PATJ: variants seen among roughly 807,000 people sequenced by gnomAD.
PATJ encodes the protein PATJ crumbs cell polarity complex component, also known as inaD-like protein.
A neutral mutation model predicts 224.9 loss-of-function variants in PATJ; 190 were observed. The observed-to-expected ratio is 0.84, with a 90% CI of 0.75 to 0.95. The LOEUF is 0.95. Ranked by LOEUF, PATJ falls within the 40% of genes least tolerant of loss-of-function variation. The probability of loss-of-function intolerance (pLI) is 0.00; values close to 1 mark genes in which losing one functional copy is unlikely to be tolerated. For missense variants in PATJ, 2,121 were observed against 2,270.3 expected (o/e 0.93, Z 1.34); for synonymous variants, 769 against 820.3 (o/e 0.94, Z 1.07).
At chr1:61,894,737 G>C (rs1293220235) in intron 22 of PATJ, among the ~76,000 whole-genome samples, 2 of 152,216 alleles carry the variant, frequency 1.3e-5, no homozygotes, top group African/African-American at 4.8e-5. Context: ...TCCCAGCAGA[G>C]TGGAGTACTG....
rs534246443 is a variant in PATJ, at chr1:61,990,948, G to T, written c.3867+584G>T. Reference sequence around the variant, plus strand: ...GATAATTTCATTAATAATCTGAAAAGGTTATTCTTATTCTTCTACACTTAA... The same window carrying T: ...GATAATTTCATTAATAATCTGAAAATGTTATTCTTATTCTTCTACACTTAA... On this transcript the variant is annotated intron_variant, in intron 28 of 43. Transcript: ENST00000642238. Among the ~76,000 whole-genome samples, 5 of 152,186 alleles carry T rather than the reference G, an allele frequency of 3.3e-5. No individual in the cohort carries two copies. The East Asian group carries it at 9.7e-4, about 29-fold the overall frequency.
In PATJ at chr1:61,890,805, T is replaced by C. The variant is rs79208616; in HGVS notation, c.3131+6397T>C. Among the ~76,000 whole-genome samples the C allele has an allele frequency of 0.049, 7,508 of 152,248 alleles. 846 individuals are homozygous for C. The East Asian group carries it at 0.5, about 10-fold the overall frequency. Reference sequence around the variant, plus strand: ...GCCATAGCACCTGGCCTATTATTTTTTTTAAAGTACATGTAAAACATTTAT... The same window carrying C: ...GCCATAGCACCTGGCCTATTATTTTCTTTAAAGTACATGTAAAACATTTAT... On this transcript the variant is annotated intron_variant, in intron 22 of 43. Coordinates refer to ENST00000642238, the MANE Select transcript of PATJ (RefSeq NM_001350145.3).
chr1:61,992,398 G>A (rs1036925309), intron 28 of PATJ, among the ~76,000 whole-genome samples: 4 of 152,104 alleles, frequency 2.6e-5, no homozygotes, highest in African/African-American at 4.8e-5. Flanking sequence ...GATTACAGGC[G>A]TGAGTCACCA....
rs1242430160 is a variant in PATJ, at chr1:61,952,335, G to A, written c.3670+24506G>A. On this transcript the variant is annotated intron_variant, in intron 27 of 43. Coordinates refer to ENST00000642238, the MANE Select transcript of PATJ (RefSeq NM_001350145.3). ...GGAGTCTGTGGTGAGGATTTGAGCTGCGTCCAGCATTGGATATTTGTCAGG... is the reference window on the plus strand; with the variant it reads ...GGAGTCTGTGGTGAGGATTTGAGCTACGTCCAGCATTGGATATTTGTCAGG... The A allele has an allele frequency of 2.8e-5, 20 of 704,596 alleles. No individual in the cohort carries two copies. In the Admixed American group the frequency reaches 4.0e-4, roughly 14 times the overall value. The allele number at this position is 704,596 out of a possible 1,614,324, so 43.6% of individuals were successfully genotyped here. A position where few individuals can be genotyped will look rare whatever the true frequency, so the allele number is the denominator to read the frequency against.
chr1:61,751,579 A>G (rs1419916372), intron 1 of PATJ, among the ~76,000 whole-genome samples: 1 of 151,986 alleles, frequency 6.6e-6, no homozygotes, highest in Non-Finnish European at 1.5e-5. Context: ...TAATCCCAGC[A>G]CTTTGGGAGG....
At chr1:61,957,175 A>C (rs1680555914) in intron 27 of PATJ, among the ~76,000 whole-genome samples, 1 of 152,180 alleles carries the variant, frequency 6.6e-6, no homozygotes, top group Non-Finnish European at 1.5e-5. Flanking sequence ...TAACCTAATG[A>C]ATATTCATAA....
At chr1:62,062,392 C>CTTTT (rs60747316) in intron 31 of PATJ, among the ~76,000 whole-genome samples, 6 of 28,482 alleles carry the variant, frequency 2.1e-4, no homozygotes, top group Admixed American at 5.6e-4. Context: ...ATGTTGTCTT[C>CTTTT]TTTTTTTTTT....
At chr1:61,949,081 G>A (rs903292421) in intron 27 of PATJ, among the ~76,000 whole-genome samples, 4 of 137,098 alleles carry the variant, frequency 2.9e-5, no homozygotes, top group African/African-American at 5.3e-5. Flanking sequence ...GGCGGGGAGC[G>A]GGGAGGGATT....
chr1:61,988,787 C>T (rs988345830), intron 27 of PATJ, among the ~76,000 whole-genome samples: 16 of 152,146 alleles, frequency 1.1e-4, no homozygotes, highest in African/African-American at 3.9e-4. Context: ...TTTGTTAAGT[C>T]TGGTAAAGTG....
intron 27 of PATJ, among the ~76,000 whole-genome samples, chr1:61,955,473 A>G (rs534779136): frequency 4.5e-4 from 68 of 152,286 alleles, no homozygotes; most frequent in Middle Eastern, 3.4e-3. Context: ...AAGAAGTGCT[A>G]CAAGCCTGGC....
intron 27 of PATJ, among the ~76,000 whole-genome samples, chr1:61,949,804 G>T (rs1312822504): frequency 7.0e-6 from 1 of 143,602 alleles, no homozygotes; most frequent in Non-Finnish European, 1.5e-5. Context: ...TACTTGGGAG[G>T]CTGAGGCAGG....
intron 18 of PATJ, among the ~76,000 whole-genome samples, chr1:61,857,644 G>A (rs1303306875): frequency 6.6e-6 from 1 of 152,218 alleles, no homozygotes; most frequent in African/African-American, 2.4e-5. Flanking sequence ...CAAACTTAAA[G>A]ATATGTAATA....
chr1:61,862,676 CA>C (rs1664800823), intron 19 of PATJ, among the ~76,000 whole-genome samples: 1 of 152,110 alleles, frequency 6.6e-6, no homozygotes, highest in African/African-American at 2.4e-5. Flanking sequence ...TGGAACTACA[CA>C]AAAAGTATTC....
intron 9 of PATJ, among the ~76,000 whole-genome samples, chr1:61,793,665 G>A (rs1200595643): frequency 6.7e-6 from 1 of 150,182 alleles, no homozygotes; most frequent in South Asian, 2.1e-4. Context: ...GCAGTGAGCC[G>A]TGATTGTGCC....
At position 61,991,714 on chromosome 1, in the gene PATJ, C is replaced by T. The variant is rs1425002215; in HGVS notation, c.3867+1350C>T. The T allele has an allele frequency of 9.1e-6, 9 of 983,834 alleles. No individual in the cohort carries two copies. In the Admixed American group the frequency reaches 1.8e-4, roughly 20 times the overall value. The allele number at this position is 983,834 out of a possible 1,614,324, so 60.9% of individuals were successfully genotyped here. A position where few individuals can be genotyped will look rare whatever the true frequency, so the allele number is the denominator to read the frequency against. ...ACCACGAATGGGACCCACATTGGGT[C>T]GTAACACTGACTAGCATAATCATTA... On this transcript the variant is annotated intron_variant, in intron 28 of 43. Transcript: ENST00000642238.
At chr1:62,020,860 C>T (rs1570109276) in intron 29 of PATJ, among the ~76,000 whole-genome samples, 1 of 152,292 alleles carries the variant, frequency 6.6e-6, no homozygotes, top group Non-Finnish European at 1.5e-5. Context: ...GAGTCTTGCT[C>T]TGTCACCCAG....
chr1:62,134,328 C>CT (rs1666588715), intron 41 of PATJ, among the ~76,000 whole-genome samples: 4 of 77,166 alleles, frequency 5.2e-5, no homozygotes, highest in Admixed American at 3.4e-4. Context: ...ACCCAGCCCT[C>CT]TCTTTTTTTT....
intron 14 of PATJ, among the ~76,000 whole-genome samples, chr1:61,818,135 T>G (rs777070963): frequency 5.3e-5 from 8 of 152,346 alleles, no homozygotes; most frequent in Non-Finnish European, 1.0e-4. Flanking sequence ...GGCTGTAGTT[T>G]GTTTCATGAT....
intron 29 of PATJ, among the ~76,000 whole-genome samples, chr1:62,030,331 C>CA (rs1356912138): frequency 6.6e-6 from 1 of 152,104 alleles, no homozygotes; most frequent in Admixed American, 6.5e-5. Flanking sequence ...TATCTCATAA[C>CA]AATTCTATTA....
Sources: gnomAD v4.1 joint callset for allele counts (sites outside exome capture counted in the v4.1 genomes callset) on GRCh38, gnomAD v4.1.1 for gene constraint, MANE v1.5 for transcripts, NCBI Gene and HGNC (gene_info 2026-07-23, HGNC 2026-07-21) for gene names.